The following ERCC6L2 variants were observed in gnomAD, a reference collection of about 807,000 sequenced individuals.
The protein encoded by ERCC6L2 is DNA excision repair protein ERCC-6-like 2.
In ERCC6L2, 77 loss-of-function variants were observed where a neutral mutation model predicts 132.0. The observed-to-expected ratio is 0.58, with a 90% confidence interval of 0.49 to 0.71. The LOEUF is 0.71. ERCC6L2 is among the 30% of genes least tolerant of loss of function. The pLI is 0.00. For synonymous variants in ERCC6L2, 583 were observed against 632.4 expected, an observed-to-expected ratio of 0.92 and a Z score of 1.17; for missense variants, 1,542 against 1,837.6, an observed-to-expected ratio of 0.84 and a Z score of 2.94.
chr9:95,886,773 G>A (rs1827890974), intron 2 of ERCC6L2, among the ~76,000 whole-genome samples: 1 of 152,198 alleles, frequency 6.6e-6, no homozygotes. Context: ...TGAGGGTGAT[G>A]CCAAAAGAGA....
intron 12 of ERCC6L2, among the ~76,000 whole-genome samples, chr9:95,951,214 TAACA>T (rs2132949357): frequency 6.6e-6 from 1 of 152,180 alleles, no homozygotes; most frequent in South Asian, 2.1e-4. Context: ...AACACACACT[TAACA>T]AAAGGGTTGA....
chr9:95,944,959 G>A (rs1214551181), intron 12 of ERCC6L2, among the ~76,000 whole-genome samples: 4 of 152,142 alleles, frequency 2.6e-5, no homozygotes, highest in Non-Finnish European at 5.9e-5. Flanking sequence ...GGACCGGGGC[G>A]AAATTAAAAT....
At chr9:95,994,883 C>CT (rs1833421993) in intron 17 of ERCC6L2, among the ~76,000 whole-genome samples, 1 of 152,182 alleles carries the variant, frequency 6.6e-6, no homozygotes, top group South Asian at 2.1e-4. Flanking sequence ...TCCCTATCAG[C>CT]TTTTTTCACT....
intron 19 of ERCC6L2, among the ~76,000 whole-genome samples, chr9:96,035,522 G>C (rs548052397): frequency 5.9e-5 from 9 of 152,278 alleles, no homozygotes; most frequent in Admixed American, 2.6e-4. Context: ...TCTGCAGAGA[G>C]AGTGGGGCAA....
Position 96,004,426 on chromosome 9 carries a change from TAA to T in ERCC6L2, c.3493-92_3493-91del, listed in dbSNP as rs1386541536. ...TTGGAGAATATGATTTACTTCATTA[TAA>T]AGAGTATTGAGAAAAAGTAAGACAT... On this transcript the variant is annotated intron_variant, in intron 17 of 18. Coordinates refer to ENST00000653738, the MANE Select transcript of ERCC6L2 (RefSeq NM_020207.7). The T allele has an allele frequency of 4.0e-5, 24 of 604,310 alleles. No individual in the cohort carries two copies. In the African/African-American group the frequency reaches 4.5e-4, roughly 11 times the overall value. The allele number at this position is 604,310 out of a possible 1,614,324, so 37.4% of individuals were successfully genotyped here. A position where few individuals can be genotyped will look rare whatever the true frequency, so the allele number is the denominator to read the frequency against.
At chr9:95,959,926 T>G (rs376715050) in intron 13 of ERCC6L2, among the ~76,000 whole-genome samples, 7 of 152,034 alleles carry the variant, frequency 4.6e-5, no homozygotes, top group African/African-American at 1.7e-4. Flanking sequence ...CCTCTGGATA[T>G]TCCAAGTTTA....
chr9:95,946,258 G>A (rs146320515), intron 12 of ERCC6L2, among the ~76,000 whole-genome samples: 1,742 of 152,318 alleles, frequency 0.011, 16 homozygotes, highest in Non-Finnish European at 0.018. Context: ...GCCGGGTGCA[G>A]TGGCTCACAC....
At chr9:95,924,735 A>C (rs970037493) in intron 9 of ERCC6L2, among the ~76,000 whole-genome samples, 2 of 152,124 alleles carry the variant, frequency 1.3e-5, no homozygotes, top group African/African-American at 4.8e-5. Context: ...TAATCTCCCT[A>C]GGAATAATAG....
At position 95,921,249 on chromosome 9, in the gene ERCC6L2, G is replaced by C; in HGVS notation, c.1233G>C (p.Leu411Phe). ...QTVLETEDVTLILQSSEPCTC... is the reference protein window; with the variant it reads ...QTVLETEDVTFILQSSEPCTC... ...TGTTAGAAACAGAGGACGTGACTTT[G>C]ATACTTCAATCTTCTGAGCCTTGTA... Residue 411 changes from leucine to phenylalanine, a missense_variant, in exon 7 of 19, where the codon TTG becomes TTC. Physicochemically the swap from Leu to Phe is conservative, Grantham distance 22. This residue lies in a region of ERCC6L2 where 945 missense variants were observed against 1,105.2 expected (regional missense o/e 0.86). Coordinates refer to ENST00000653738, the MANE Select transcript of ERCC6L2 (RefSeq NM_020207.7). The C allele has an allele frequency of 6.2e-7, 1 of 1,613,662 alleles. No homozygotes were observed. Among genetic ancestry groups the C allele is most frequent in the Non-Finnish European group, 8.5e-7 (1 of 1,179,706 alleles).
intron 17 of ERCC6L2, among the ~76,000 whole-genome samples, chr9:95,999,020 T>TA (rs1833563200): frequency 6.6e-6 from 1 of 152,182 alleles, no homozygotes; most frequent in Non-Finnish European, 1.5e-5. Flanking sequence ...TGAAACTAGA[T>TA]AGATTTTTAA....
chr9:95,893,424 T>C (rs1490019950), intron 2 of ERCC6L2, among the ~76,000 whole-genome samples: 1 of 152,210 alleles, frequency 6.6e-6, no homozygotes, highest in South Asian at 2.1e-4. Flanking sequence ...TGTATTATAA[T>C]GTTCTTGTCA....
At chr9:96,037,664 T>C (rs140001329) in intron 19 of ERCC6L2, among the ~76,000 whole-genome samples, 1 of 152,054 alleles carries the variant, frequency 6.6e-6, no homozygotes, top group African/African-American at 2.4e-5. Flanking sequence ...GGCCAGGGAA[T>C]AGCTTCTGAG....
chr9:95,997,192 T>C (rs911753063), intron 17 of ERCC6L2, among the ~76,000 whole-genome samples: 2 of 152,234 alleles, frequency 1.3e-5, no homozygotes, highest in Non-Finnish European at 2.9e-5. Context: ...ATTTTAGATA[T>C]CATTGAAAAC....
intron 4 of ERCC6L2, among the ~76,000 whole-genome samples, chr9:95,913,187 G>T (rs1043177826): frequency 6.6e-6 from 1 of 152,048 alleles, no homozygotes; most frequent in African/African-American, 2.4e-5. Flanking sequence ...AATTGTTCTT[G>T]TCTGAATCAG....
chr9:96,016,108 A>C lies in ERCC6L2; in HGVS notation c.*2905A>C, dbSNP rs141941037. Among the ~76,000 whole-genome samples the C allele has an allele frequency of 6.6e-6, 1 of 152,284 alleles. No homozygotes were observed. The highest frequency in any genetic ancestry group is 2.4e-5 in the African/African-American group (1 of 41,560). The stretch of plus-strand genomic sequence containing the variant: ...CCCACTCCACTGGTGATGTGTCACC[A>C]AGTTCTGCTAACTAAATGGGTGGCC... On this transcript the variant is annotated 3_prime_UTR_variant, in exon 19 of 19. Coordinates refer to ENST00000653738, the MANE Select transcript of ERCC6L2 (RefSeq NM_020207.7).
At position 95,998,877 on chromosome 9, in the gene ERCC6L2, GTAAC is replaced by G. The variant is rs1298482372; in HGVS notation, c.3493-5642_3493-5639del. On this transcript the variant is annotated intron_variant, in intron 17 of 18. Coordinates refer to ENST00000653738, the MANE Select transcript of ERCC6L2 (RefSeq NM_020207.7). ...CCCAACCCATACATAGTTTATACAT[GTAAC>G]CTTTAGAGCTTTCATTCAGAATAAG... Among the ~76,000 whole-genome samples, 3 of 152,294 alleles carry G rather than the reference GTAAC, an allele frequency of 2.0e-5. No homozygotes were observed. In the East Asian group the frequency reaches 5.8e-4, roughly 29 times the overall value.
rs762041343 is a variant in ERCC6L2 at position 95,978,164 on chromosome 9, G to A, written c.3441G>A (p.Glu1147=). Residue 1147 remains glutamate, a synonymous_variant, in exon 17 of 19, where the codon GAG becomes GAA. Transcript: ENST00000653738. ...GATGGGCAGCACATGACGTATTTGA[G>A]TTGAAGCAGTTTTCTCAGCTGCCTG... ...MSRWAAHDVF[E]LKQFSQLPAN... is the part of the protein sequence containing the mutation. 1.5e-6 allele frequency: 2 copies of A among 1,367,182 alleles called. No individual in the cohort carries two copies. The highest frequency in any genetic ancestry group is 9.8e-7 in the Non-Finnish European group (1 of 1,021,678). The allele number at this position is 1,367,182 out of a possible 1,614,324, so 84.7% of individuals were successfully genotyped here. A position where few individuals can be genotyped will look rare whatever the true frequency, so the allele number is the denominator to read the frequency against.
intron 19 of ERCC6L2, among the ~76,000 whole-genome samples, chr9:96,029,570 G>A (rs1187931933): frequency 1.3e-5 from 2 of 152,182 alleles, no homozygotes; most frequent in Non-Finnish European, 2.9e-5. Context: ...TATCAGAAAA[G>A]ATTGTTTCCC....
intron 2 of ERCC6L2, among the ~76,000 whole-genome samples, chr9:95,893,777 A>G (rs995219560): frequency 6.6e-6 from 1 of 151,936 alleles, no homozygotes; most frequent in African/African-American, 2.4e-5. Context: ...TTTTTTCTTC[A>G]TCAATTTTGC....
Sources: allele counts gnomAD v4.1 joint callset (sites outside exome capture counted in the v4.1 genomes callset), GRCh38; gene constraint gnomAD v4.1.1; regional missense constraint gnomAD v4.1.1; transcripts MANE v1.5; gene names NCBI Gene and HGNC (gene_info 2026-07-23, HGNC 2026-07-21).